The following TBC1D5 variants were observed in gnomAD, a reference collection of about 807,000 sequenced individuals.
TBC1D5 encodes TBC1 domain family, member 5.
TBC1D5 carries 75 observed loss-of-function variants against 100.3 expected under a neutral mutation model. That is an observed-to-expected ratio of 0.75 (90% CI 0.62 to 0.91). The LOEUF (loss-of-function observed/expected upper bound fraction) is 0.91. Among genes scored for constraint, TBC1D5 ranks in the 40% least tolerant of loss-of-function variants. The pLI, the probability that TBC1D5 is intolerant of heterozygous loss-of-function variation, is 0.00. For missense variants in TBC1D5, 910 were observed against 942.4 expected (o/e 0.97, Z 0.45); for synonymous variants, 323 against 325.6 (o/e 0.99, Z 0.09).
chr3:17,616,063 G>A (rs928299137), intron 2 of TBC1D5, among the ~76,000 whole-genome samples: 3 of 152,166 alleles, frequency 2.0e-5, no homozygotes, highest in African/African-American at 4.8e-5. Flanking sequence ...CTTTAAATGT[G>A]TCCCAGAGAT....
chr3:17,188,274 C>T (rs2069400454), intron 18 of TBC1D5, among the ~76,000 whole-genome samples: 1 of 152,164 alleles, frequency 6.6e-6, no homozygotes, highest in African/African-American at 2.4e-5. Flanking sequence ...GATATAAAAA[C>T]ACAAATTTCC....
At chr3:17,197,725 T>C (rs1229161933) in intron 18 of TBC1D5, among the ~76,000 whole-genome samples, 3 of 152,134 alleles carry the variant, frequency 2.0e-5, no homozygotes, top group African/African-American at 7.2e-5. Context: ...TTGGGGAACA[T>C]TTGTCACCTC....
rs556838492 is a variant in TBC1D5, at chr3:17,396,691, CATA to C, written c.509+6487_509+6489del. ...TTTCCATCCACATACTACAATGTAA[CATA>C]ATAACTACATTTGACCAAAAATTCA... On this transcript the variant is annotated intron_variant, in intron 8 of 21. Transcript: ENST00000253692. Among the ~76,000 whole-genome samples, 520 of 151,838 alleles carry C rather than the reference CATA, an allele frequency of 3.4e-3. 4 individuals are homozygous for C. The highest frequency in any genetic ancestry group is 0.011 in the African/African-American group (474 of 41,408).
chr3:17,262,293 T>C (rs2078381372), intron 15 of TBC1D5, among the ~76,000 whole-genome samples: 1 of 152,144 alleles, frequency 6.6e-6, no homozygotes, highest in African/African-American at 2.4e-5. Flanking sequence ...ACAGTGGTAT[T>C]TGTGTACTTA....
chr3:17,338,496 C>T (rs2088307717), intron 13 of TBC1D5: 1 of 152,182 alleles, frequency 6.6e-6, no homozygotes, highest in African/African-American at 2.4e-5. Flanking sequence ...CACTGGCCAC[C>T]TCCTCACAAA....
intron 1 of TBC1D5, among the ~76,000 whole-genome samples, chr3:17,679,124 G>A (rs1325985332): frequency 6.7e-6 from 1 of 149,682 alleles, no homozygotes; most frequent in Non-Finnish European, 1.5e-5. Flanking sequence ...TATGAACAAA[G>A]TAAAGGTATC....
At chr3:17,227,552 CAT>C (rs1019976469) in intron 17 of TBC1D5, among the ~76,000 whole-genome samples, 2 of 152,004 alleles carry the variant, frequency 1.3e-5, no homozygotes, top group Non-Finnish European at 2.9e-5. Context: ...TTTGTAGGAA[CAT>C]AGATGGAGCT....
At chr3:17,299,106 T>C (rs546928877) in intron 14 of TBC1D5, among the ~76,000 whole-genome samples, 1 of 152,324 alleles carries the variant, frequency 6.6e-6, no homozygotes, top group East Asian at 1.9e-4. Flanking sequence ...CTCTTGAGCT[T>C]TAGGGCTTTA....
chr3:17,578,034 A>C (rs2096668435), intron 2 of TBC1D5, among the ~76,000 whole-genome samples: 1 of 152,010 alleles, frequency 6.6e-6, no homozygotes, highest in South Asian at 2.1e-4. Context: ...ATAAACAGGA[A>C]ACCCATTGTA....
chr3:17,483,175 G>A (rs2095520438), intron 3 of TBC1D5, among the ~76,000 whole-genome samples: 1 of 152,012 alleles, frequency 6.6e-6, no homozygotes, highest in Admixed American at 6.6e-5. Flanking sequence ...CACCCCTCAG[G>A]CTTTACAGAG....
At chr3:17,565,895 T>C (rs902744875) in intron 2 of TBC1D5, among the ~76,000 whole-genome samples, 1 of 152,034 alleles carries the variant, frequency 6.6e-6, no homozygotes, top group African/African-American at 2.4e-5. Context: ...CCTCCACTAG[T>C]CTCTTTAATT....
intron 2 of TBC1D5, among the ~76,000 whole-genome samples, chr3:17,588,049 TAAC>T (rs1046819245): frequency 1.3e-5 from 2 of 152,002 alleles, no homozygotes; most frequent in Non-Finnish European, 2.9e-5. Context: ...GTGTTAACGG[TAAC>T]AAGAAAAAGT....
chr3:17,646,555 T>C (rs2065031605), intron 1 of TBC1D5, among the ~76,000 whole-genome samples: 1 of 152,146 alleles, frequency 6.6e-6, no homozygotes, highest in Non-Finnish European at 1.5e-5. Context: ...CTAAATACTA[T>C]ATATCTCTTT....
chr3:17,442,847 A>G (rs1038872386), intron 3 of TBC1D5, among the ~76,000 whole-genome samples: 3 of 151,760 alleles, frequency 2.0e-5, no homozygotes, highest in African/African-American at 7.3e-5. Context: ...GAGAGTTGGT[A>G]ATGGGAAGGA....
At chr3:17,376,033 G>A (rs1332717218) in intron 10 of TBC1D5, among the ~76,000 whole-genome samples, 3 of 152,080 alleles carry the variant, frequency 2.0e-5, no homozygotes, top group African/African-American at 7.2e-5. Flanking sequence ...TTATTTGCAG[G>A]AAAGAATAAA....
chr3:17,521,475 T>C (rs1478100639), intron 2 of TBC1D5, among the ~76,000 whole-genome samples: 1 of 152,224 alleles, frequency 6.6e-6, no homozygotes, highest in Non-Finnish European at 1.5e-5. Flanking sequence ...TATGTGTTAA[T>C]CAACTGTTTA....
At chr3:17,197,649 G>A (rs1008440254) in intron 18 of TBC1D5, among the ~76,000 whole-genome samples, 10 of 152,150 alleles carry the variant, frequency 6.6e-5, no homozygotes, top group African/African-American at 1.9e-4. Context: ...TGGGATTACA[G>A]GCATGAGTTA....
chr3:17,729,552 A>G (rs557077724), intron 1 of TBC1D5, among the ~76,000 whole-genome samples: 1 of 152,176 alleles, frequency 6.6e-6, no homozygotes, highest in South Asian at 2.1e-4. Flanking sequence ...CTAAAGATAC[A>G]AAAAATTAGC....
At chr3:17,292,263 C>G (rs2081837349) in intron 14 of TBC1D5, among the ~76,000 whole-genome samples, 1 of 152,182 alleles carries the variant, frequency 6.6e-6, no homozygotes, top group South Asian at 2.1e-4. Flanking sequence ...ATTTGTACAT[C>G]TGCAACATAA....
Sources: gnomAD v4.1 joint callset for allele counts (sites outside exome capture counted in the v4.1 genomes callset) on GRCh38, gnomAD v4.1.1 for gene constraint, MANE v1.5 for transcripts, NCBI Gene and HGNC (gene_info 2026-07-23, HGNC 2026-07-21) for gene names.